Variants in GRIA4 observed in about 807,000 individuals in gnomAD.
GRIA4 encodes glutamate ionotropic receptor AMPA type subunit 4.
GRIA4 carries 34 observed loss-of-function variants against 104.0 expected under a neutral mutation model. That is an observed-to-expected ratio of 0.33 (90% CI 0.25 to 0.44). GRIA4 has a LOEUF of 0.44. GRIA4 is among the 20% of genes least tolerant of loss of function. The pLI is 1.00. For missense variants in GRIA4, 750 were observed against 1,096.5 expected, an observed-to-expected ratio of 0.68 and a Z score of 4.46; for synonymous variants, 386 against 381.9, an observed-to-expected ratio of 1.01 and a Z score of -0.13.
chr11:105,836,655 G>C (rs1944198501), intron 4 of GRIA4, among the ~76,000 whole-genome samples: 1 of 152,098 alleles, frequency 6.6e-6, no homozygotes, highest in Non-Finnish European at 1.5e-5. Flanking sequence ...CACATGCAGA[G>C]CTTGTAAGTC....
intron 4 of GRIA4, among the ~76,000 whole-genome samples, chr11:105,846,438 G>A (rs919858259): frequency 6.6e-6 from 1 of 152,004 alleles, no homozygotes; most frequent in African/African-American, 2.4e-5. Flanking sequence ...AATATACAAT[G>A]AATGCATGTA....
chr11:105,612,651 TC>T, intron 3 of GRIA4: 1 of 495,796 alleles, frequency 2.0e-6, no homozygotes, highest in Non-Finnish European at 3.5e-6. Context: ...TTCTTTCTTC[TC>T]CTCCCTCTCT....
chr11:105,943,764 C>T (rs1948238158), intron 14 of GRIA4, among the ~76,000 whole-genome samples: 1 of 151,982 alleles, frequency 6.6e-6, no homozygotes, highest in Non-Finnish European at 1.5e-5. Flanking sequence ...TAAGTGACTA[C>T]CATGGATGAA....
chr11:105,979,094 T>A (rs950887530), intron 16 of GRIA4, among the ~76,000 whole-genome samples: 8 of 152,204 alleles, frequency 5.3e-5, no homozygotes, highest in African/African-American at 1.9e-4. Flanking sequence ...TGTGGATAGG[T>A]CTGTGTTATA....
At chr11:105,765,536 C>A (rs1940894307) in intron 4 of GRIA4, among the ~76,000 whole-genome samples, 1 of 152,174 alleles carries the variant, frequency 6.6e-6, no homozygotes, top group Non-Finnish European at 1.5e-5. Context: ...ATAGATAGTA[C>A]CAAGTCTGAG....
intron 4 of GRIA4, among the ~76,000 whole-genome samples, chr11:105,792,161 A>G (rs1942241329): frequency 6.6e-6 from 1 of 152,216 alleles, no homozygotes; most frequent in Non-Finnish European, 1.5e-5. Flanking sequence ...ACTGAACTTC[A>G]TAATGACTAT....
chr11:105,662,533 A>C (rs1167402611), intron 3 of GRIA4, among the ~76,000 whole-genome samples: 2 of 151,886 alleles, frequency 1.3e-5, no homozygotes, highest in Admixed American at 6.6e-5. Context: ...TTAGAGACGA[A>C]AAAGGAATCT....
chr11:105,704,360 G>T, intron 3 of GRIA4, among the ~76,000 whole-genome samples: 1 of 152,028 alleles, frequency 6.6e-6, no homozygotes, highest in East Asian at 1.9e-4. Context: ...GGAGGTAGTG[G>T]TTAAGTACAT....
intron 5 of GRIA4, among the ~76,000 whole-genome samples, chr11:105,864,802 G>T (rs923287609): frequency 3.9e-5 from 6 of 152,088 alleles, no homozygotes; most frequent in Non-Finnish European, 8.8e-5. Context: ...CCCAGGAGGT[G>T]GAGGTTGTGG....
intron 3 of GRIA4, among the ~76,000 whole-genome samples, chr11:105,729,848 T>C (rs947802182): frequency 6.6e-6 from 1 of 151,118 alleles, no homozygotes; most frequent in Admixed American, 6.6e-5. Context: ...AGGAACTGAT[T>C]GAACATATCT....
In GRIA4 at chr11:105,761,590, T is replaced by C. The variant is rs538648359; in HGVS notation, c.487+8370T>C. Among the ~76,000 whole-genome samples the C allele has an allele frequency of 6.6e-5, 10 of 152,268 alleles. No homozygotes were observed. The East Asian group carries it at 1.7e-3, about 26-fold the overall frequency. On this transcript the variant is annotated intron_variant, in intron 4 of 16. Transcript: ENST00000282499. ...TCAACTCAACTCAACTCAACTCCAA[T>C]GTGGCAGTGAAAAGTAGCCATTGAC...
chr11:105,833,712 T>C (rs192940230), intron 4 of GRIA4, among the ~76,000 whole-genome samples: 95 of 152,086 alleles, frequency 6.2e-4, no homozygotes, highest in Middle Eastern at 3.4e-3. Flanking sequence ...TTGCTTTTGT[T>C]TTAGTCTTAA....
chr11:105,969,744 C>T (rs967507063), intron 14 of GRIA4, among the ~76,000 whole-genome samples: 2 of 152,100 alleles, frequency 1.3e-5, no homozygotes, highest in Non-Finnish European at 2.9e-5. Context: ...GGGGAGCTTG[C>T]CTGGGGACCT....
At chr11:105,663,375 C>T (rs1031167095) in intron 3 of GRIA4, among the ~76,000 whole-genome samples, 7 of 151,886 alleles carry the variant, frequency 4.6e-5, no homozygotes, top group Non-Finnish European at 8.8e-5. Context: ...ACATTTATTG[C>T]ACATCTACTA....
intron 14 of GRIA4, among the ~76,000 whole-genome samples, chr11:105,948,941 G>T (rs1948398465): frequency 6.6e-6 from 1 of 152,094 alleles, no homozygotes; most frequent in South Asian, 2.1e-4. Context: ...AACTTGAATA[G>T]AATTGATTTA....
intron 4 of GRIA4, among the ~76,000 whole-genome samples, chr11:105,763,591 T>TA (rs924268499): frequency 2.6e-5 from 4 of 152,146 alleles, no homozygotes; most frequent in Admixed American, 2.0e-4. Flanking sequence ...GTCACAAGCA[T>TA]AAAAAAGACT....
At position 105,905,250 on chromosome 11, in the gene GRIA4, A is replaced by G. The variant is rs1947002469; in HGVS notation, c.1107A>G (p.Arg369=). Residue 369 remains arginine, a synonymous_variant, in exon 9 of 17, where the codon AGA becomes AGG. Coordinates refer to ENST00000282499, the MANE Select transcript of GRIA4 (RefSeq NM_000829.4). ...GNVQFDHYGR[R]VNYTMDVFEL... ...TTCAGTTTGACCACTATGGACGTAG[A>G]GTCAATTACACAATGGATGTGTTTG... is the stretch of plus-strand genomic sequence containing the variant. The G allele has an allele frequency of 1.9e-6, 3 of 1,609,970 alleles. No homozygotes were observed. Among genetic ancestry groups the G allele is most frequent in the Non-Finnish European group, 1.7e-6 (2 of 1,176,376 alleles).
chr11:105,909,237 T>A (rs1315700921), intron 9 of GRIA4, among the ~76,000 whole-genome samples: 4 of 152,164 alleles, frequency 2.6e-5, no homozygotes, highest in Non-Finnish European at 5.9e-5. Context: ...AATATGCTCA[T>A]AAATACTAAC....
At chr11:105,671,399 G>T (rs1345359441) in intron 3 of GRIA4, among the ~76,000 whole-genome samples, 1 of 151,958 alleles carries the variant, frequency 6.6e-6, no homozygotes, top group Non-Finnish European at 1.5e-5. Flanking sequence ...CTTTGGGGCT[G>T]GGTGTGGTGG....
Sources: allele counts gnomAD v4.1 joint callset (sites outside exome capture counted in the v4.1 genomes callset), GRCh38; gene constraint gnomAD v4.1.1; transcripts MANE v1.5; gene names NCBI Gene and HGNC (gene_info 2026-07-23, HGNC 2026-07-21).